PTPRT: variants seen among roughly 807,000 people sequenced by gnomAD.
The protein encoded by PTPRT is receptor-type tyrosine-protein phosphatase T.
Under a neutral mutation model 176.8 loss-of-function variants are expected in PTPRT, and 56 were observed. The ratio of observed to expected loss-of-function variants is 0.32; its 90% CI spans 0.26 to 0.40. The LOEUF (loss-of-function observed/expected upper bound fraction) is 0.40, where lower values mean the gene tolerates loss of function less well. Ranked by LOEUF, PTPRT falls within the 10% of genes least tolerant of loss-of-function variation. PTPRT has a pLI of 1.00. For synonymous variants in PTPRT, 783 were observed against 739.0 expected (o/e 1.06, Z -0.96); for missense variants, 1,540 against 1,908.2 (o/e 0.81, Z 3.60).
At chr20:42,139,061 T>C (rs1206492429) in intron 18 of PTPRT, among the ~76,000 whole-genome samples, 1 of 152,224 alleles carries the variant, frequency 6.6e-6, no homozygotes, top group Non-Finnish European at 1.5e-5. Context: ...CAGGAACACT[T>C]TCCATTCCTT....
intron 7 of PTPRT, among the ~76,000 whole-genome samples, chr20:42,524,804 C>T (rs575679011): frequency 1.7e-4 from 26 of 151,272 alleles, no homozygotes; most frequent in Admixed American, 7.2e-4. Context: ...CCTTTTTTTT[C>T]TCTCTCTCTC....
chr20:42,224,436 T>C (rs1455323501), intron 15 of PTPRT, among the ~76,000 whole-genome samples: 1 of 152,214 alleles, frequency 6.6e-6, no homozygotes, highest in Non-Finnish European at 1.5e-5. Context: ...GCATCTTGAC[T>C]TCTACAGATT....
At chr20:42,342,617 A>G (rs8124262) in intron 11 of PTPRT, among the ~76,000 whole-genome samples, 4,356 of 152,302 alleles carry the variant, frequency 0.029, 228 homozygotes, top group African/African-American at 0.1. Flanking sequence ...GCCCTGTGTC[A>G]ATAAATCCTC....
intron 1 of PTPRT, among the ~76,000 whole-genome samples, chr20:42,929,287 G>A (rs142757740): frequency 3.7e-4 from 57 of 152,348 alleles, no homozygotes; most frequent in African/African-American, 1.1e-3. Context: ...CTTGAAGTGC[G>A]TGTCATTATC....
chr20:43,044,285 G>C (rs1415884049), intron 1 of PTPRT, among the ~76,000 whole-genome samples: 2 of 152,092 alleles, frequency 1.3e-5, no homozygotes, highest in Non-Finnish European at 2.9e-5. Context: ...AGTTGACCAG[G>C]AGTGGCCACC....
chr20:42,330,902 A>C (rs1404082531), intron 11 of PTPRT, among the ~76,000 whole-genome samples: 3 of 152,184 alleles, frequency 2.0e-5, no homozygotes, highest in Admixed American at 1.3e-4. Context: ...CCCAGGCCCC[A>C]CCTCAGCTCT....
intron 3 of PTPRT, among the ~76,000 whole-genome samples, chr20:42,785,222 G>A (rs1191299387): frequency 6.6e-6 from 1 of 152,200 alleles, no homozygotes; most frequent in Non-Finnish European, 1.5e-5. Context: ...GCAGAGGCAG[G>A]TTCTCACCCC....
chr20:42,032,700 G>T, the PTPRT span, among the ~76,000 whole-genome samples: 15 of 152,094 alleles, frequency 9.9e-5, no homozygotes, highest in Non-Finnish European at 1.8e-4. Context: ...CCACTTCTAA[G>T]ATTAGGTTAT....
At chr20:42,458,427 C>T (rs150878569) in intron 8 of PTPRT, among the ~76,000 whole-genome samples, 7 of 152,232 alleles carry the variant, frequency 4.6e-5, no homozygotes, top group African/African-American at 1.7e-4. Flanking sequence ...TCTCATTTTC[C>T]TTACTTTAAA....
chr20:42,407,258 G>A (rs944946072), intron 9 of PTPRT, among the ~76,000 whole-genome samples: 4 of 152,170 alleles, frequency 2.6e-5, no homozygotes, highest in Admixed American at 2.0e-4. Context: ...CGGGGGAAGA[G>A]TCTGTAAGAG....
At chr20:42,959,178 G>C (rs1981843014) in intron 1 of PTPRT, among the ~76,000 whole-genome samples, 1 of 152,110 alleles carries the variant, frequency 6.6e-6, no homozygotes, top group Non-Finnish European at 1.5e-5. Context: ...TTCTATGTGA[G>C]CTTTCTTATC....
intron 1 of PTPRT, among the ~76,000 whole-genome samples, chr20:42,995,819 C>T (rs1984190453): frequency 6.6e-6 from 1 of 151,886 alleles, no homozygotes; most frequent in African/African-American, 2.4e-5. Flanking sequence ...CCATTGCTAC[C>T]TCCTTTATAA....
chr20:42,329,712 C>T (rs574788553), intron 11 of PTPRT, among the ~76,000 whole-genome samples: 17 of 152,096 alleles, frequency 1.1e-4, no homozygotes, highest in Non-Finnish European at 1.8e-4. Context: ...TACATAAAGC[C>T]TATTTTTTTT....
chr20:42,338,530 A>T (rs1242798799), intron 11 of PTPRT, among the ~76,000 whole-genome samples: 2 of 152,234 alleles, frequency 1.3e-5, no homozygotes, highest in Admixed American at 1.3e-4. Flanking sequence ...AATTTCAATT[A>T]AGCAGGAACA....
chr20:42,044,052 G>T, the PTPRT span, among the ~76,000 whole-genome samples: 82 of 152,330 alleles, frequency 5.4e-4, no homozygotes, highest in African/African-American at 1.9e-3. Context: ...TCAGCACTGG[G>T]ACAGAGGAGT....
intron 1 of PTPRT, among the ~76,000 whole-genome samples, chr20:42,925,442 T>G (rs1979418675): frequency 6.6e-6 from 1 of 152,184 alleles, no homozygotes; most frequent in Non-Finnish European, 1.5e-5. Context: ...CATTTGTAAG[T>G]GTTGGAAGGG....
Position 42,469,712 on chromosome 20 carries a change from C to T in PTPRT, c.1450+2554G>A, listed in dbSNP as rs187405960. Among the ~76,000 whole-genome samples, 7 of 149,024 alleles carry T rather than the reference C, an allele frequency of 4.7e-5. No homozygotes were observed. The East Asian group carries it at 9.9e-4, about 21-fold the overall frequency. Reference sequence around the variant, plus strand: ...TACAGAGTCTACTCCAAGGATGACCCCAAAGACCAGTGTGTGGGGTCTGCA... The same window carrying T: ...TACAGAGTCTACTCCAAGGATGACCTCAAAGACCAGTGTGTGGGGTCTGCA... On this transcript the variant is annotated intron_variant, in intron 8 of 30. Coordinates refer to ENST00000373187, the MANE Select transcript of PTPRT (RefSeq NM_007050.6).
At chr20:42,925,414 C>T (rs534111676) in intron 1 of PTPRT, among the ~76,000 whole-genome samples, 2 of 152,172 alleles carry the variant, frequency 1.3e-5, no homozygotes, top group Non-Finnish European at 2.9e-5. Context: ...AACATGGTTC[C>T]TCCTAGGGAA....
chr20:42,611,758 G>C (rs909020586), intron 7 of PTPRT, among the ~76,000 whole-genome samples: 2 of 152,142 alleles, frequency 1.3e-5, no homozygotes, highest in African/African-American at 4.8e-5. Context: ...TCAAGGGTGA[G>C]AGCCAGCCCA....
Sources: allele counts gnomAD v4.1 joint callset (sites outside exome capture counted in the v4.1 genomes callset), GRCh38; gene constraint gnomAD v4.1.1; transcripts MANE v1.5; gene names NCBI Gene and HGNC (gene_info 2026-07-23, HGNC 2026-07-21).